Variants in LSAMP observed in about 807,000 individuals in gnomAD.
LSAMP encodes the protein limbic system-associated membrane protein.
In LSAMP, 7 loss-of-function variants were observed where a neutral mutation model predicts 38.6. That is an observed-to-expected ratio of 0.18 (90% CI 0.10 to 0.34). The LOEUF (loss-of-function observed/expected upper bound fraction) is 0.34, where lower values mean the gene tolerates loss of function less well. Ranked by LOEUF, LSAMP falls within the 10% of genes least tolerant of loss-of-function variation. LSAMP has a pLI of 1.00. For missense variants in LSAMP, 313 were observed against 420.0 expected (o/e 0.75, Z 2.23); for synonymous variants, 154 against 166.8 (o/e 0.92, Z 0.59).
At chr3:115,910,706 C>T (rs554776843) in intron 3 of LSAMP, among the ~76,000 whole-genome samples, 1 of 152,278 alleles carries the variant, frequency 6.6e-6, no homozygotes, top group East Asian at 1.9e-4. Context: ...TGTCCTCACG[C>T]CCTCCTCAAC....
chr3:115,928,177 T>C (rs1559884411), intron 3 of LSAMP, among the ~76,000 whole-genome samples: 1 of 152,218 alleles, frequency 6.6e-6, no homozygotes, highest in African/African-American at 2.4e-5. Context: ...TAAATAACAC[T>C]AATTCAAATG....
At chr3:116,266,263 A>G (rs1259792865) in intron 1 of LSAMP, among the ~76,000 whole-genome samples, 2 of 152,196 alleles carry the variant, frequency 1.3e-5, no homozygotes, top group African/African-American at 4.8e-5. Context: ...CTAATGAGCT[A>G]TTAGAGATCT....
intron 1 of LSAMP, among the ~76,000 whole-genome samples, chr3:116,443,863 G>A (rs2049468132): frequency 6.6e-6 from 1 of 152,062 alleles, no homozygotes; most frequent in African/African-American, 2.4e-5. Flanking sequence ...AAGAACAAGG[G>A]GTAGGTACAG....
chr3:115,932,350 G>A (rs1339858845), intron 3 of LSAMP, among the ~76,000 whole-genome samples: 1 of 152,188 alleles, frequency 6.6e-6, no homozygotes, highest in Non-Finnish European at 1.5e-5. Context: ...CATTGTCAGT[G>A]AAAGAAACTA....
At chr3:116,255,353 T>C (rs2107652806) in intron 1 of LSAMP, among the ~76,000 whole-genome samples, 1 of 152,318 alleles carries the variant, frequency 6.6e-6, no homozygotes, top group Non-Finnish European at 1.5e-5. Flanking sequence ...AAGAACATGG[T>C]GCTTTAAATA....
chr3:116,265,320 G>T (rs1559804707), intron 1 of LSAMP, among the ~76,000 whole-genome samples: 1 of 152,160 alleles, frequency 6.6e-6, no homozygotes, highest in Non-Finnish European at 1.5e-5. Flanking sequence ...AAGTAGGTAT[G>T]GTTTGTGAGA....
At chr3:116,278,250 A>G (rs987503746) in intron 1 of LSAMP, among the ~76,000 whole-genome samples, 11 of 152,194 alleles carry the variant, frequency 7.2e-5, no homozygotes, top group African/African-American at 2.4e-4. Flanking sequence ...ATGTGATTTA[A>G]GAGCTATTGT....
chr3:116,307,199 C>G (rs2107712889), intron 1 of LSAMP, among the ~76,000 whole-genome samples: 1 of 152,128 alleles, frequency 6.6e-6, no homozygotes, highest in South Asian at 2.1e-4. Context: ...GCAAAGCAAT[C>G]AAAAGCTGCC....
chr3:116,424,210 T>C (rs1198639297), intron 1 of LSAMP, among the ~76,000 whole-genome samples: 1 of 152,214 alleles, frequency 6.6e-6, no homozygotes, highest in Non-Finnish European at 1.5e-5. Flanking sequence ...GAGGACTAAT[T>C]AGGCAATGTA....
intron 1 of LSAMP, among the ~76,000 whole-genome samples, chr3:116,257,040 T>C (rs906529909): frequency 2.6e-5 from 4 of 152,098 alleles, no homozygotes; most frequent in Non-Finnish European, 5.9e-5. Flanking sequence ...ACCCTGAGAG[T>C]GGTTTTCATG....
At chr3:115,975,459 C>A (rs1939157787) in intron 3 of LSAMP, among the ~76,000 whole-genome samples, 1 of 152,020 alleles carries the variant, frequency 6.6e-6, no homozygotes, top group Non-Finnish European at 1.5e-5. Context: ...AGTTAGAAGA[C>A]AACAAGAAAA....
intron 1 of LSAMP, among the ~76,000 whole-genome samples, chr3:116,234,560 CAAT>C (rs1295216914): frequency 6.6e-6 from 1 of 151,910 alleles, no homozygotes; most frequent in Admixed American, 6.6e-5. Flanking sequence ...TAAAATTCAA[CAAT>C]AAAATTAACA....
Position 116,086,548 on chromosome 3 carries a change from A to G in LSAMP, c.164T>C (p.Val55Ala), listed in dbSNP as rs1168468849. Reference protein sequence around the residue: ...QGDTAILRCVVEDKNSKVAWL... With the variant: ...QGDTAILRCVAEDKNSKVAWL... ...GGCCACCTTTGAGTTCTTGTCTTCT[A>G]CAACGCACCTGACAGAGCAGAGTAA... The change falls in exon 2 of 7, where the codon GTA becomes GCA. Residue 55 changes from valine to alanine, a missense_variant. By Grantham distance (64) the Val-to-Ala change is moderately conservative (BLOSUM62 0). Transcript: ENST00000490035. 2 of 1,613,940 alleles carry G rather than the reference A, an allele frequency of 1.2e-6. No homozygotes were observed. The highest frequency in any genetic ancestry group is 1.3e-5 in the African/African-American group (1 of 75,060).
chr3:116,110,261 C>G (rs573226138), intron 1 of LSAMP, among the ~76,000 whole-genome samples: 1 of 151,620 alleles, frequency 6.6e-6, no homozygotes, highest in East Asian at 1.9e-4. Flanking sequence ...GGTACTTGCC[C>G]TTTCCCCAGA....
chr3:116,279,997 C>T (rs528278209), intron 1 of LSAMP, among the ~76,000 whole-genome samples: 1 of 152,022 alleles, frequency 6.6e-6, no homozygotes, highest in Admixed American at 6.6e-5. Context: ...AATATTATGT[C>T]TGTAATACAG....
At chr3:115,906,171 T>C (rs544380699) in intron 3 of LSAMP, among the ~76,000 whole-genome samples, 1 of 152,278 alleles carries the variant, frequency 6.6e-6, no homozygotes, top group African/African-American at 2.4e-5. Flanking sequence ...TTCTTCAGTA[T>C]TGTGCCAGAA....
chr3:115,949,873 A>T (rs1230780295), intron 3 of LSAMP, among the ~76,000 whole-genome samples: 1 of 152,210 alleles, frequency 6.6e-6, no homozygotes, highest in Non-Finnish European at 1.5e-5. Flanking sequence ...ACAGCATATC[A>T]AAAAGATAAT....
At chr3:116,082,263 C>T (rs922276336) in intron 2 of LSAMP, among the ~76,000 whole-genome samples, 5 of 152,094 alleles carry the variant, frequency 3.3e-5, no homozygotes, top group African/African-American at 1.2e-4. Flanking sequence ...AGTACCTGCT[C>T]TGTAGAGTTT....
rs1355294733 is a variant in LSAMP, at chr3:115,809,132, A to G, written c.*1185T>C. The G allele has an allele frequency of 6.6e-6, 1 of 152,184 alleles. No homozygotes were observed. Among genetic ancestry groups the G allele is most frequent in the African/African-American group, 2.4e-5 (1 of 41,446 alleles). 9.4% of individuals were successfully genotyped at this position (152,184 alleles called of 1,614,324 possible). On this transcript the variant is annotated 3_prime_UTR_variant, in exon 7 of 7. Coordinates refer to ENST00000490035, the MANE Select transcript of LSAMP (RefSeq NM_002338.5). ...CCTACCCTGTTAAATGCCAGGAAAT[A>G]TAAGAATCCCTCAGACTCATGAAAT...
Sources: allele counts gnomAD v4.1 joint callset (sites outside exome capture counted in the v4.1 genomes callset), GRCh38; gene constraint gnomAD v4.1.1; transcripts MANE v1.5; gene names NCBI Gene and HGNC (gene_info 2026-07-23, HGNC 2026-07-21).